The following SMYD3 variants were observed in gnomAD, a reference collection of about 807,000 sequenced individuals.
SMYD3 encodes the protein SET and MYND domain containing 3.
Under a neutral mutation model 57.7 loss-of-function variants are expected in SMYD3, and 36 were observed. That is an observed-to-expected ratio of 0.62 (90% CI 0.48 to 0.82). The LOEUF (loss-of-function observed/expected upper bound fraction) is 0.82, where lower values mean the gene tolerates loss of function less well. Ranked by LOEUF, SMYD3 falls within the 40% of genes least tolerant of loss-of-function variation. SMYD3 has a pLI of 0.00. For synonymous variants in SMYD3, 211 were observed against 195.0 expected (o/e 1.08, Z -0.68); for missense variants, 515 against 538.8 (o/e 0.96, Z 0.44).
intron 5 of SMYD3, among the ~76,000 whole-genome samples, chr1:246,260,798 G>T (rs1054875864): frequency 2.1e-5 from 3 of 142,364 alleles, no homozygotes; most frequent in Non-Finnish European, 4.6e-5. Context: ...TTTCCAAGTG[G>T]CTGAGGCATG....
At chr1:246,006,086 A>G (rs1319642084) in intron 5 of SMYD3, among the ~76,000 whole-genome samples, 1 of 152,140 alleles carries the variant, frequency 6.6e-6, no homozygotes, top group Non-Finnish European at 1.5e-5. Flanking sequence ...CTGTTTTAGG[A>G]TTGGTTTTAA....
chr1:245,859,673 G>C (rs2051432331), intron 9 of SMYD3, among the ~76,000 whole-genome samples: 3 of 152,052 alleles, frequency 2.0e-5, no homozygotes, highest in Non-Finnish European at 4.4e-5. Flanking sequence ...GGAGGGTGCA[G>C]GACTGGGACT....
At chr1:246,080,450 C>T (rs1286255506) in intron 5 of SMYD3, among the ~76,000 whole-genome samples, 1 of 152,144 alleles carries the variant, frequency 6.6e-6, no homozygotes, top group African/African-American at 2.4e-5. Context: ...GGAACAGTTT[C>T]ATCCTAAAAC....
At chr1:246,169,809 C>T (rs1381476546) in intron 5 of SMYD3, among the ~76,000 whole-genome samples, 1 of 151,560 alleles carries the variant, frequency 6.6e-6, no homozygotes, top group Non-Finnish European at 1.5e-5. Flanking sequence ...GAAGCTGAGG[C>T]AGGAGAATCG....
At chr1:246,354,718 A>G (rs2065884222) in intron 2 of SMYD3, among the ~76,000 whole-genome samples, 1 of 152,092 alleles carries the variant, frequency 6.6e-6, no homozygotes, top group African/African-American at 2.4e-5. Flanking sequence ...GCAAAGACAC[A>G]TGAGAAACTT....
chr1:246,273,374 T>G (rs1198412638), intron 5 of SMYD3, among the ~76,000 whole-genome samples: 1 of 151,736 alleles, frequency 6.6e-6, no homozygotes, highest in African/African-American at 2.4e-5. Flanking sequence ...GATCTGAAAC[T>G]CCTGACCTCA....
intron 5 of SMYD3, among the ~76,000 whole-genome samples, chr1:246,300,439 C>T (rs1031402509): frequency 1.3e-5 from 2 of 152,072 alleles, no homozygotes; most frequent in African/African-American, 4.8e-5. Flanking sequence ...TTCTAAAATA[C>T]CCAAAATTGC....
chr1:246,491,559 A>AAAG (rs1558489361), intron 1 of SMYD3, among the ~76,000 whole-genome samples: 1 of 148,274 alleles, frequency 6.7e-6, no homozygotes. Context: ...AAAAAAAAAA[A>AAAG]AGAGAGAGAA....
rs149799979 is a variant in SMYD3, at chr1:246,017,717, T to C, written c.532-87780A>G. Reference sequence around the variant, plus strand: ...CCACTGTGAAGTTTCTCATTTTCTCTTTGAATTCCTAAGAATTTGGGAGTG... The same window carrying C: ...CCACTGTGAAGTTTCTCATTTTCTCCTTGAATTCCTAAGAATTTGGGAGTG... On this transcript the variant is annotated intron_variant, in intron 5 of 11. Transcript: ENST00000490107. 2.8e-4 allele frequency among the ~76,000 whole-genome samples: 42 copies of C among 152,330 alleles called. No individual in the cohort carries two copies. In the East Asian group the frequency reaches 8.1e-3, roughly 29 times the overall value.
intron 5 of SMYD3, among the ~76,000 whole-genome samples, chr1:246,247,503 C>CAT (rs150218563): frequency 0.024 from 3,403 of 143,374 alleles, 156 homozygotes; most frequent in East Asian, 0.19. Context: ...ACATGGGACT[C>CAT]ATATATATAT....
chr1:245,991,649 T>C (rs2058816166), intron 5 of SMYD3, among the ~76,000 whole-genome samples: 2 of 152,244 alleles, frequency 1.3e-5, no homozygotes, highest in Admixed American at 1.3e-4. Flanking sequence ...CCAGGAGGGC[T>C]TCCCCTTAGA....
intron 10 of SMYD3, among the ~76,000 whole-genome samples, chr1:245,804,045 T>G (rs1317120914): frequency 2.0e-5 from 3 of 151,740 alleles, no homozygotes; most frequent in Non-Finnish European, 2.9e-5. Context: ...TCCAAGCAGC[T>G]GGGACCACAG....
chr1:246,329,480 A>G (rs1293803242), intron 4 of SMYD3, among the ~76,000 whole-genome samples: 1 of 152,118 alleles, frequency 6.6e-6, no homozygotes, highest in Non-Finnish European at 1.5e-5. Flanking sequence ...TTGGCTGCAT[A>G]AATGTCTTCT....
At chr1:246,296,673 C>T (rs2064801265) in intron 5 of SMYD3, among the ~76,000 whole-genome samples, 1 of 152,126 alleles carries the variant, frequency 6.6e-6, no homozygotes, top group Non-Finnish European at 1.5e-5. Context: ...GCACTGTCCT[C>T]TACCCCTCCG....
chr1:246,413,292 T>C (rs902651258), intron 1 of SMYD3, among the ~76,000 whole-genome samples: 1 of 152,160 alleles, frequency 6.6e-6, no homozygotes, highest in African/African-American at 2.4e-5. Context: ...GTCCAGCTTA[T>C]ATTCAAATCC....
At chr1:245,916,861 T>C (rs1050520183) in intron 7 of SMYD3, among the ~76,000 whole-genome samples, 1 of 152,132 alleles carries the variant, frequency 6.6e-6, no homozygotes, top group Non-Finnish European at 1.5e-5. Context: ...GCCAGGTCCT[T>C]CTAACTCCCC....
intron 5 of SMYD3, among the ~76,000 whole-genome samples, chr1:246,132,076 G>C (rs948204450): frequency 2.0e-5 from 3 of 152,018 alleles, no homozygotes; most frequent in Non-Finnish European, 4.4e-5. Flanking sequence ...TCCTGGAATT[G>C]GGACAATTCT....
At chr1:246,165,191 A>G (rs2062186123) in intron 5 of SMYD3, among the ~76,000 whole-genome samples, 2 of 152,238 alleles carry the variant, frequency 1.3e-5, no homozygotes, top group Admixed American at 1.3e-4. Flanking sequence ...AGCAGTTTCA[A>G]TTGAGTTAAG....
At chr1:246,366,860 G>A (rs2066111657) in intron 1 of SMYD3, among the ~76,000 whole-genome samples, 1 of 150,432 alleles carries the variant, frequency 6.6e-6, no homozygotes, top group Non-Finnish European at 1.5e-5. Context: ...GAACCTGGGA[G>A]GTGGAGGTTG....
Sources: gnomAD v4.1 joint callset for allele counts (sites outside exome capture counted in the v4.1 genomes callset) on GRCh38, gnomAD v4.1.1 for gene constraint, MANE v1.5 for transcripts, NCBI Gene and HGNC (gene_info 2026-07-23, HGNC 2026-07-21) for gene names.